NFIX: variants seen among roughly 807,000 people sequenced by gnomAD.
NFIX encodes nuclear factor 1 X-type.
In NFIX, 2 loss-of-function variants were observed where a neutral mutation model predicts 53.3. The observed-to-expected ratio is 0.04, with a 90% CI of 0.02 to 0.12. The LOEUF is 0.12. NFIX is among the 10% of genes least tolerant of loss of function. The pLI is 1.00. For synonymous variants in NFIX, 244 were observed against 289.0 expected (o/e 0.84, Z 1.58); for missense variants, 310 against 674.5 (o/e 0.46, Z 5.99).
chr19:13,027,239 A>G lies in NFIX; in HGVS notation c.559+1687A>G, dbSNP rs1388723316. ...GGCCTGCATCCGGCCCTGTGTGACC[A>G]TCGTGACCCGTCATGCAGAAGGGCC... On this transcript the variant is annotated intron_variant, in intron 2 of 10. Coordinates refer to ENST00000592199, the MANE Select transcript of NFIX (RefSeq NM_001365902.3). The surrounding 1 kb of genome is among the most constrained non-coding windows in gnomAD (Gnocchi z 4.3). Among the ~76,000 whole-genome samples, 3 of 152,164 alleles carry G rather than the reference A, an allele frequency of 2.0e-5. No individual in the cohort carries two copies. Among genetic ancestry groups the G allele is most frequent in the Non-Finnish European group, 4.4e-5 (3 of 68,036 alleles).
At chr19:13,075,068 T>TAA (rs57860606) in intron 5 of NFIX, among the ~76,000 whole-genome samples, 7 of 73,702 alleles carry the variant, frequency 9.5e-5, no homozygotes, top group Non-Finnish European at 1.4e-4. Context: ...AGACTCCATC[T>TAA]AAAAAAAAAA....
intron 2 of NFIX, among the ~76,000 whole-genome samples, chr19:13,035,224 C>T (rs954911489): frequency 1.3e-5 from 2 of 152,216 alleles, no homozygotes; most frequent in Admixed American, 1.3e-4. Context: ...GTCGACTGAA[C>T]CTCTGAGCAT....
At chr19:13,000,766 C>G (rs1371466289) in intron 1 of NFIX, among the ~76,000 whole-genome samples, 1 of 152,214 alleles carries the variant, frequency 6.6e-6, no homozygotes, top group African/African-American at 2.4e-5. Context: ...GGCGTTGTCA[C>G]CTGGACCCGC....
chr19:13,019,238 C>T (rs1367434108), intron 1 of NFIX, among the ~76,000 whole-genome samples: 1 of 152,122 alleles, frequency 6.6e-6, no homozygotes, highest in Non-Finnish European at 1.5e-5. Flanking sequence ...AAACCTATCT[C>T]AGTCTGGGAA....
rs2015389177 is a variant in NFIX at position 13,052,497 on chromosome 19, G to T, written c.560-20550G>T. Among the ~76,000 whole-genome samples the T allele has an allele frequency of 1.3e-5, 2 of 152,156 alleles. No individual in the cohort carries two copies. The highest frequency in any genetic ancestry group is 2.4e-5 in the African/African-American group (1 of 41,438). On this transcript the variant is annotated intron_variant, in intron 2 of 10. Coordinates refer to ENST00000592199, the MANE Select transcript of NFIX (RefSeq NM_001365902.3). This position sits in a 1 kb window ranked among gnomAD's most constrained non-coding sequence, Gnocchi z 5.2. ...GGCAGGACCACCATGAGTCACTGGG[G>T]GTCATGCCAGTGAGCTTCCTGCGCT...
chr19:13,024,181 A>G (rs1007972004), intron 1 of NFIX: 1 of 710,330 alleles, frequency 1.4e-6, no homozygotes, highest in Non-Finnish European at 2.3e-6. Context: ...TGAGTGGGAA[A>G]AAGGGTGAAG....
At chr19:13,047,513 A>G (rs2015063194) in intron 2 of NFIX, among the ~76,000 whole-genome samples, 1 of 152,120 alleles carries the variant, frequency 6.6e-6, no homozygotes, top group Admixed American at 6.5e-5. Context: ...CTCTGACTAC[A>G]CCATGCTTGC....
Position 13,089,724 on chromosome 19 carries a change from G to A in NFIX, c.1403-575G>A, listed in dbSNP as rs1178652187. Among the ~76,000 whole-genome samples, 1 of 152,226 alleles carries A rather than the reference G, an allele frequency of 6.6e-6. No homozygotes were observed. The highest frequency in any genetic ancestry group is 1.5e-5 in the Non-Finnish European group (1 of 68,028). ...CCTGCCTGGTCCTTGGGCCTGCCCA[G>A]AGTGGTAAGAGGTGTAGCATCTAGC... On this transcript the variant is annotated intron_variant, in intron 9 of 10. Coordinates refer to ENST00000592199, the MANE Select transcript of NFIX (RefSeq NM_001365902.3). This position sits in a 1 kb window ranked among gnomAD's most constrained non-coding sequence, Gnocchi z 4.8.
intron 7 of NFIX, among the ~76,000 whole-genome samples, chr19:13,079,481 C>T (rs183947755): frequency 1.3e-3 from 202 of 152,290 alleles, no homozygotes; most frequent in African/African-American, 4.5e-3. Context: ...TCTTCCCTCT[C>T]TGGGCACCCA....
At chr19:13,080,242 AC>A (rs1266746559) in intron 7 of NFIX, among the ~76,000 whole-genome samples, 1 of 152,228 alleles carries the variant, frequency 6.6e-6, no homozygotes, top group Non-Finnish European at 1.5e-5. Flanking sequence ...GTAAGCAAAC[AC>A]CAGTTTTTTT....
chr19:13,083,135 C>T (rs1054816792), intron 8 of NFIX, among the ~76,000 whole-genome samples: 5 of 152,196 alleles, frequency 3.3e-5, no homozygotes, highest in Non-Finnish European at 5.9e-5. Context: ...GGTAGCTTCG[C>T]CCACCTCTCT....
chr19:13,017,156 G>A (rs1009086341), intron 1 of NFIX, among the ~76,000 whole-genome samples: 3 of 152,106 alleles, frequency 2.0e-5, no homozygotes, highest in African/African-American at 4.8e-5. Flanking sequence ...GCTGAAGGAC[G>A]CAGAGGGGGA....
At chr19:13,054,370 C>T (rs1239827799) in intron 2 of NFIX, among the ~76,000 whole-genome samples, 3 of 152,202 alleles carry the variant, frequency 2.0e-5, no homozygotes, top group Non-Finnish European at 4.4e-5. Context: ...ACACAGAGCT[C>T]CTGCTTGCCG....
At chr19:13,059,117 C>G (rs951286029) in intron 2 of NFIX, among the ~76,000 whole-genome samples, 3 of 152,198 alleles carry the variant, frequency 2.0e-5, no homozygotes, top group Admixed American at 1.3e-4. Context: ...TTCACATGCA[C>G]TCACACACAT....
chr19:13,024,113 C>CAAAAAAAAAAA, intron 1 of NFIX: 6 of 412,060 alleles, frequency 1.5e-5, no homozygotes, highest in East Asian at 9.4e-5. Flanking sequence ...AGCAAACAAC[C>CAAAAAAAAAAA]AAAAAAAAAA....
rs1599856532 is a variant in NFIX at position 13,078,878 on chromosome 19, G to T, written c.1078+143G>T. On this transcript the variant is annotated intron_variant, in intron 7 of 10. Coordinates refer to ENST00000592199, the MANE Select transcript of NFIX (RefSeq NM_001365902.3). This position sits in a 1 kb window ranked among gnomAD's most constrained non-coding sequence, Gnocchi z 4.7. ...TGGGCCAAGGTGCAGCAGCGGGTGG[G>T]CATGGGAGCCGGCCCCTGCTTCACG... 6.8e-6 allele frequency: 7 copies of T among 1,034,298 alleles called. No homozygotes were observed. In the East Asian group the frequency reaches 1.9e-4, roughly 28 times the overall value. 64.1% of individuals were successfully genotyped at this position (1,034,298 alleles called of 1,614,324 possible).
chr19:13,015,423 G>A (rs1229793155), intron 1 of NFIX, among the ~76,000 whole-genome samples: 1 of 152,104 alleles, frequency 6.6e-6, no homozygotes, highest in East Asian at 1.9e-4. Context: ...GCCCAGCCTG[G>A]TGTCGCTTGC....
At chr19:13,015,812 A>ACG in intron 1 of NFIX, among the ~76,000 whole-genome samples, 1 of 150,310 alleles carries the variant, frequency 6.7e-6, no homozygotes, top group Non-Finnish European at 1.5e-5. Context: ...ACACACACAC[A>ACG]CGCACACGCA....
At position 13,073,587 on chromosome 19, in the gene NFIX, C is replaced by A; in HGVS notation, c.697+91C>A. The A allele has an allele frequency of 8.5e-7, 1 of 1,175,328 alleles. No individual in the cohort carries two copies. Among genetic ancestry groups the A allele is most frequent in the Non-Finnish European group, 1.3e-6 (1 of 784,982 alleles). The allele number at this position is 1,175,328 out of a possible 1,614,324, so 72.8% of individuals were successfully genotyped here. Reference sequence around the variant, plus strand: ...ATGTCCTCCTAATGGGGTCTTAGGGCAGGTGGATGGGAACAGATGCTTTCT... The same window carrying A: ...ATGTCCTCCTAATGGGGTCTTAGGGAAGGTGGATGGGAACAGATGCTTTCT... On this transcript the variant is annotated intron_variant, in intron 4 of 10. Coordinates refer to ENST00000592199, the MANE Select transcript of NFIX (RefSeq NM_001365902.3). The surrounding 1 kb of genome is among the most constrained non-coding windows in gnomAD (Gnocchi z 4.5).
Sources: allele counts gnomAD v4.1 joint callset (sites outside exome capture counted in the v4.1 genomes callset), GRCh38; gene constraint gnomAD v4.1.1; non-coding constraint Gnocchi (gnomAD v3.1); transcripts MANE v1.5; gene names NCBI Gene and HGNC (gene_info 2026-07-23, HGNC 2026-07-21).